DNM2: variants seen among roughly 807,000 people sequenced by gnomAD.
The protein encoded by DNM2 is dynamin-2.
A neutral mutation model predicts 99.0 loss-of-function variants in DNM2; 15 were observed. That is an observed-to-expected ratio of 0.15 (90% CI 0.10 to 0.23). The LOEUF (loss-of-function observed/expected upper bound fraction) is 0.23. DNM2 is among the 10% of genes least tolerant of loss of function. The probability of loss-of-function intolerance (pLI) is 1.00; values close to 1 mark genes in which losing one functional copy is unlikely to be tolerated. For synonymous variants in DNM2, 525 were observed against 481.2 expected, an observed-to-expected ratio of 1.09 and a Z score of -1.19; for missense variants, 742 against 1,189.4, an observed-to-expected ratio of 0.62 and a Z score of 5.53.
intron 7 of DNM2, among the ~76,000 whole-genome samples, chr19:10,788,365 A>T (rs1348497448): frequency 1.3e-5 from 2 of 152,136 alleles, no homozygotes; most frequent in Non-Finnish European, 2.9e-5. Flanking sequence ...GGCATGTCAG[A>T]GGAAGACCCT....
At chr19:10,804,316 T>A (rs2072261207) in intron 12 of DNM2, among the ~76,000 whole-genome samples, 1 of 152,114 alleles carries the variant, frequency 6.6e-6, no homozygotes, top group Non-Finnish European at 1.5e-5. Flanking sequence ...CAGTGCCACC[T>A]CCTTCAGATG....
intron 1 of DNM2, among the ~76,000 whole-genome samples, chr19:10,734,014 TA>T (rs111312260): frequency 1.1e-3 from 148 of 134,428 alleles, no homozygotes; most frequent in Admixed American, 1.2e-3. Context: ...TCTCAAAAAA[TA>T]AAAAAAAAAA....
intron 1 of DNM2, among the ~76,000 whole-genome samples, chr19:10,756,225 G>A (rs1445259204): frequency 6.6e-6 from 1 of 152,070 alleles, no homozygotes; most frequent in African/African-American, 2.4e-5. Flanking sequence ...AGTTCACTCC[G>A]CCTCCCAATT....
intron 1 of DNM2, among the ~76,000 whole-genome samples, chr19:10,733,336 C>T (rs1019323237): frequency 4.0e-5 from 6 of 151,392 alleles, no homozygotes; most frequent in South Asian, 2.1e-4. Flanking sequence ...GGACCACAGG[C>T]GCGCACCACA....
At chr19:10,799,222 G>C (rs1361575471) in intron 11 of DNM2, among the ~76,000 whole-genome samples, 1 of 152,060 alleles carries the variant, frequency 6.6e-6, no homozygotes, top group Non-Finnish European at 1.5e-5. Context: ...GCGAGACCCC[G>C]TCTCTTAAAA....
At chr19:10,723,036 G>A (rs962540683) in intron 1 of DNM2, among the ~76,000 whole-genome samples, 2 of 150,538 alleles carry the variant, frequency 1.3e-5, no homozygotes, top group African/African-American at 4.9e-5. Flanking sequence ...GTGCGATCTC[G>A]GCTCACTGCA....
chr19:10,747,844 G>A (rs1041319516), intron 1 of DNM2, among the ~76,000 whole-genome samples: 5 of 152,182 alleles, frequency 3.3e-5, no homozygotes, highest in Admixed American at 1.3e-4. Flanking sequence ...ATGTGTGAAA[G>A]AAGGGGAGCA....
chr19:10,767,283 G>A (rs887336584), intron 2 of DNM2, among the ~76,000 whole-genome samples: 1 of 151,944 alleles, frequency 6.6e-6, no homozygotes, highest in Non-Finnish European at 1.5e-5. Flanking sequence ...AGAGGCCCAG[G>A]CTAGGCCCTC....
intron 2 of DNM2, among the ~76,000 whole-genome samples, chr19:10,760,654 A>G (rs974351067): frequency 6.6e-6 from 1 of 151,270 alleles, no homozygotes; most frequent in Non-Finnish European, 1.5e-5. Flanking sequence ...CAGCCTCCCC[A>G]TAATCACTTT....
intron 1 of DNM2, among the ~76,000 whole-genome samples, chr19:10,741,484 C>A (rs570669606): frequency 6.6e-6 from 1 of 151,994 alleles, no homozygotes; most frequent in Non-Finnish European, 1.5e-5. Context: ...TCATCTTGGC[C>A]TCCCAAAGTG....
chr19:10,769,036 T>G (rs1352585292), intron 2 of DNM2, among the ~76,000 whole-genome samples: 1 of 152,138 alleles, frequency 6.6e-6, no homozygotes, highest in Admixed American at 6.6e-5. Context: ...CTCTCTGGGC[T>G]CCTGCCTGTG....
intron 11 of DNM2, among the ~76,000 whole-genome samples, chr19:10,798,926 T>C (rs1046434111): frequency 1.3e-5 from 2 of 152,206 alleles, no homozygotes; most frequent in African/African-American, 4.8e-5. Flanking sequence ...AGTCAACCTC[T>C]CAAAAACCCA....
Position 10,823,815 on chromosome 19 carries a change from C to G in DNM2, c.1809C>G (p.Ile603Met), listed in dbSNP as rs780409124. ...QRNVYKDLRQ[I>M]ELACDSQEDV... ...ACGTCTACAAGGACCTGCGGCAGAT[C>G]GAGCTGGCCTGTGACTCCCAGGAAG... The change falls in exon 17 of 21, where the codon ATC (isoleucine) becomes ATG (methionine). Residue 603 changes from isoleucine (I) to methionine (M), a missense_variant. Coordinates refer to ENST00000389253, the MANE Select transcript of DNM2 (RefSeq NM_001005361.3). 2 of 1,613,646 alleles carry G rather than the reference C, an allele frequency of 1.2e-6. No individual in the cohort carries two copies. Among genetic ancestry groups the G allele is most frequent in the East Asian group, 2.2e-5 (1 of 44,858 alleles).
chr19:10,807,004 C>A (rs923882599), intron 13 of DNM2, among the ~76,000 whole-genome samples: 2 of 152,210 alleles, frequency 1.3e-5, no homozygotes, highest in East Asian at 3.9e-4. Context: ...TGTACCTTGA[C>A]ATCTTAACCC....
intron 5 of DNM2, among the ~76,000 whole-genome samples, chr19:10,779,575 A>G (rs1055763315): frequency 3.5e-5 from 5 of 141,508 alleles, no homozygotes; most frequent in African/African-American, 1.3e-4. Context: ...TGGGACAATC[A>G]TAGCTCACTG....
chr19:10,806,658 T>C (rs1297534461), intron 13 of DNM2, among the ~76,000 whole-genome samples: 1 of 152,048 alleles, frequency 6.6e-6, no homozygotes, highest in Non-Finnish European at 1.5e-5. Context: ...CCAGGCGTGG[T>C]GGCACGCGCC....
chr19:10,791,639 G>T (rs1246124822), intron 7 of DNM2, among the ~76,000 whole-genome samples: 1 of 152,176 alleles, frequency 6.6e-6, no homozygotes, highest in African/African-American at 2.4e-5. Flanking sequence ...CTGGTGCCCA[G>T]GTGTGCTTTG....
At chr19:10,802,672 C>G (rs1449498998) in intron 12 of DNM2, 2 of 449,088 alleles carry the variant, frequency 4.5e-6, no homozygotes, top group Non-Finnish European at 8.3e-6. Flanking sequence ...CAGGACTTCT[C>G]AGAGCCTTTA....
intron 1 of DNM2, among the ~76,000 whole-genome samples, chr19:10,740,522 CCCA>C (rs2069707267): frequency 6.6e-6 from 1 of 152,062 alleles, no homozygotes; most frequent in Non-Finnish European, 1.5e-5. Flanking sequence ...ACTACAGGCA[CCCA>C]CCACCATGCC....
Sources: gnomAD v4.1 joint callset for allele counts (sites outside exome capture counted in the v4.1 genomes callset) on GRCh38, gnomAD v4.1.1 for gene constraint, MANE v1.5 for transcripts, NCBI Gene and HGNC (gene_info 2026-07-23, HGNC 2026-07-21) for gene names.